SUGP2: variants seen among roughly 807,000 people sequenced by gnomAD.
SUGP2 encodes SURP and G-patch domain containing 2.
SUGP2 carries 24 observed loss-of-function variants against 90.5 expected under a neutral mutation model. The ratio of observed to expected loss-of-function variants is 0.27; its 90% CI spans 0.19 to 0.37. The LOEUF is 0.37. Ranked by LOEUF, SUGP2 falls within the 10% of genes least tolerant of loss-of-function variation. The probability of loss-of-function intolerance (pLI) is 1.00; values close to 1 mark genes in which losing one functional copy is unlikely to be tolerated. For synonymous variants in SUGP2, 473 were observed against 513.4 expected, an observed-to-expected ratio of 0.92 and a Z score of 1.06; for missense variants, 1,233 against 1,363.3, an observed-to-expected ratio of 0.90 and a Z score of 1.51.
chr19:18,994,134 C>A (rs948705983), intron 10 of SUGP2: 23 of 468,526 alleles, frequency 4.9e-5, no homozygotes, highest in African/African-American at 4.0e-4. Context: ...GCAGGCCATG[C>A]GCATCTGCCC....
rs2057443659 is a variant in SUGP2 at position 18,993,400 on chromosome 19, T to C, written c.*341A>G. On this transcript the variant is annotated 3_prime_UTR_variant, in exon 11 of 11. Transcript: ENST00000452918. ...AGCAATGGCCAGTCCAACTGGAAAATCAGCCAGAGGAGCTGGTTCCTCAGC... is the reference window on the plus strand; with the variant it reads ...AGCAATGGCCAGTCCAACTGGAAAACCAGCCAGAGGAGCTGGTTCCTCAGC... The C allele has an allele frequency of 6.6e-6, 1 of 152,086 alleles. No homozygotes were observed. Among genetic ancestry groups the C allele is most frequent in the East Asian group, 1.9e-4 (1 of 5,192 alleles). 9.4% of individuals were successfully genotyped at this position (152,086 alleles called of 1,614,324 possible). A position where few individuals can be genotyped will look rare whatever the true frequency, so the allele number is the denominator to read the frequency against.
intron 4 of SUGP2, among the ~76,000 whole-genome samples, chr19:19,015,201 CAAAA>C (rs1293180718): frequency 2.6e-4 from 22 of 84,884 alleles, no homozygotes; most frequent in Non-Finnish European, 1.7e-4. Context: ...GACTCTGTCT[CAAAA>C]AATAAATAAA....
Position 19,000,477 on chromosome 19 carries a change from G to A in SUGP2, c.2991+1136C>T, listed in dbSNP as rs115397412. 3.3e-3 allele frequency among the ~76,000 whole-genome samples: 501 copies of A among 152,278 alleles called. 2 individuals are homozygous for A. The highest frequency in any genetic ancestry group is 4.2e-3 in the Non-Finnish European group (285 of 68,016). On this transcript the variant is annotated intron_variant, in intron 8 of 10. Coordinates refer to ENST00000452918, the MANE Select transcript of SUGP2 (RefSeq NM_001017392.5). The stretch of plus-strand genomic sequence containing the variant: ...ACCTGGCACGTAGGAGGTGCTGACC[G>A]CACACACCACGCTCTGCTTACTAGC...
In SUGP2 at chr19:19,025,404, C is replaced by T. The variant is rs747055033; in HGVS notation, c.944G>A (p.Ser315Asn). The T allele has an allele frequency of 5.6e-6, 9 of 1,614,016 alleles. No individual in the cohort carries two copies. The highest frequency in any genetic ancestry group is 7.6e-6 in the Non-Finnish European group (9 of 1,180,038). Residue 315 changes from serine (S) to asparagine (N), a missense_variant, in exon 3 of 11, where the codon AGC becomes AAC. This residue lies in a region of SUGP2 where 418 missense variants were observed against 399.9 expected (regional missense o/e 1.05). Transcript: ENST00000452918. The part of the protein sequence containing the change: ...KNLRLPRRKM[S>N]FDIIDKSDVF... Reference sequence around the variant, plus strand: ...ATCAGACTTATCTATGATGTCAAAGCTCATCTTTCTTCTGGGGAGCCGAAG... The same window carrying T: ...ATCAGACTTATCTATGATGTCAAAGTTCATCTTTCTTCTGGGGAGCCGAAG...
In SUGP2 at chr19:18,993,617, C is replaced by T. The variant is rs535132020; in HGVS notation, c.*124G>A. On this transcript the variant is annotated 3_prime_UTR_variant, in exon 11 of 11. Coordinates refer to ENST00000452918, the MANE Select transcript of SUGP2 (RefSeq NM_001017392.5). ...ACCTCCGCCCCAGAGACTGCAGAGA[C>T]GTTTGTTTTCATGTACACACCAAAC... The T allele has an allele frequency of 1.3e-5, 2 of 152,688 alleles. No individual in the cohort carries two copies. The highest frequency in any genetic ancestry group is 2.4e-5 in the African/African-American group (1 of 41,536). 9.5% of individuals were successfully genotyped at this position (152,688 alleles called of 1,614,324 possible).
chr19:19,033,579 C>G, upstream of SUGP2: 2 of 1,205,334 alleles, frequency 1.7e-6, no homozygotes, highest in African/African-American at 1.6e-5. Flanking sequence ...GCCGCCGAGT[C>G]CTGGTGCGCA....
intron 4 of SUGP2, among the ~76,000 whole-genome samples, chr19:19,013,036 G>A (rs1181212015): frequency 1.3e-5 from 2 of 151,842 alleles, no homozygotes; most frequent in Admixed American, 6.6e-5. Context: ...GCTAATTTTC[G>A]AATTTTTTTT....
chr19:19,007,621 A>AT (rs1426726681), intron 6 of SUGP2, among the ~76,000 whole-genome samples: 13 of 150,696 alleles, frequency 8.6e-5, no homozygotes, highest in South Asian at 8.4e-4. Context: ...CACCCGGCTA[A>AT]TTTTTTTTAT....
At position 19,030,965 on chromosome 19, in the gene SUGP2, T is replaced by G; in HGVS notation, c.107A>C (p.Gln36Pro). The change falls in exon 2 of 11, where the codon CAG (glutamine) becomes CCG (proline). Residue 36 changes from glutamine to proline, a missense_variant. Coordinates refer to ENST00000452918, the MANE Select transcript of SUGP2 (RefSeq NM_001017392.5). ...ASGEAVSETL[Q>P]FKAQDLLRAV... The stretch of plus-strand genomic sequence containing the variant: ...CTTTATTTTACCTTGAGCTTTAAAC[T>G]GAAGAGTTTCGCTTACAGCCTCACC... 5 of 1,611,884 alleles carry G rather than the reference T, an allele frequency of 3.1e-6. No individual in the cohort carries two copies. The highest frequency in any genetic ancestry group is 4.2e-6 in the Non-Finnish European group (5 of 1,179,504).
intron 9 of SUGP2, 172 bp from the exon 10 acceptor site, chr19:18,994,658 C>A: frequency 1.1e-6 from 1 of 932,418 alleles, no homozygotes. Context: ...GGAGTACTCA[C>A]CCTCGAAGAG....
chr19:19,016,554 T>C (rs192016826), intron 4 of SUGP2, among the ~76,000 whole-genome samples: 66 of 152,180 alleles, frequency 4.3e-4, no homozygotes, highest in African/African-American at 1.5e-3. Flanking sequence ...ACCAAGAGGG[T>C]CGGTATCTGC....
chr19:19,018,269 T>C (rs1035980690), intron 4 of SUGP2, among the ~76,000 whole-genome samples: 1 of 151,502 alleles, frequency 6.6e-6, no homozygotes, highest in Non-Finnish European at 1.5e-5. Flanking sequence ...GAGACGGAGG[T>C]TGCAGTAAGC....
At chr19:19,005,892 C>CACACCA (rs1555730830) in intron 6 of SUGP2, among the ~76,000 whole-genome samples, 7 of 19,894 alleles carry the variant, frequency 3.5e-4, no homozygotes, top group Non-Finnish European at 4.4e-4. Context: ...CACACACACA[C>CACACCA]CACACACACA....
chr19:19,027,703 T>C (rs1180635048), intron 2 of SUGP2, among the ~76,000 whole-genome samples: 2 of 151,656 alleles, frequency 1.3e-5, no homozygotes, highest in Non-Finnish European at 2.9e-5. Context: ...AAGGGTGCGA[T>C]CTTGGCTCAC....
At chr19:19,032,301 G>A (rs141585559) in intron 1 of SUGP2, among the ~76,000 whole-genome samples, 3,500 of 152,022 alleles carry the variant, frequency 0.023, 132 homozygotes, top group African/African-American at 0.08. Context: ...TGGGATTACA[G>A]GAGTCCGCCA....
At chr19:19,017,387 A>G (rs1358795674) in intron 4 of SUGP2, among the ~76,000 whole-genome samples, 1 of 152,166 alleles carries the variant, frequency 6.6e-6, no homozygotes, top group African/African-American at 2.4e-5. Flanking sequence ...AGGTCCTACT[A>G]ACATCAAACG....
At chr19:19,006,923 T>C (rs2058097732) in intron 6 of SUGP2, among the ~76,000 whole-genome samples, 1 of 152,254 alleles carries the variant, frequency 6.6e-6, no homozygotes, top group Admixed American at 6.5e-5. Flanking sequence ...GAGTATGTTC[T>C]GTCACCACTG....
intron 4 of SUGP2, among the ~76,000 whole-genome samples, chr19:19,011,122 G>A (rs1301390690): frequency 6.7e-6 from 1 of 150,172 alleles, no homozygotes; most frequent in African/African-American, 2.5e-5. Context: ...CTGGGCAACA[G>A]AGCAAGACCC....
At chr19:18,994,839 TG>T in intron 9 of SUGP2, 1 of 540,202 alleles carries the variant, frequency 1.9e-6, no homozygotes, top group Non-Finnish European at 3.3e-6. Context: ...TTCCCGGGAA[TG>T]GGAAAGCAGT....
Sources: allele counts gnomAD v4.1 joint callset (sites outside exome capture counted in the v4.1 genomes callset), GRCh38; gene constraint gnomAD v4.1.1; regional missense constraint gnomAD v4.1.1; transcripts MANE v1.5; gene names NCBI Gene and HGNC (gene_info 2026-07-23, HGNC 2026-07-21).